The following C4orf51 variants were observed in gnomAD, a reference collection of about 807,000 sequenced individuals.
The protein encoded by C4orf51 is uncharacterized protein C4orf51.
In C4orf51, 25 loss-of-function variants were observed where a neutral mutation model predicts 25.2. The ratio of observed to expected loss-of-function variants is 0.99; its 90% CI spans 0.72 to 1.39. The LOEUF is 1.39. Ranked by LOEUF, C4orf51 falls within the 40% of genes most tolerant of loss-of-function variation. The pLI is 0.00. For missense variants in C4orf51, 252 were observed against 239.6 expected, an observed-to-expected ratio of 1.05 and a Z score of -0.34; for synonymous variants, 100 against 84.5, an observed-to-expected ratio of 1.18 and a Z score of -1.01.
At chr4:145,767,433 G>A (rs910287385) in intron 1 of C4orf51, among the ~76,000 whole-genome samples, 1 of 152,150 alleles carries the variant, frequency 6.6e-6, no homozygotes, top group African/African-American at 2.4e-5. Flanking sequence ...AATCCCTGGT[G>A]GGGTGGGGAG....
chr4:145,784,336 T>G, the C4orf51 span, among the ~76,000 whole-genome samples: 4 of 152,228 alleles, frequency 2.6e-5, no homozygotes, highest in Non-Finnish European at 4.4e-5. Flanking sequence ...AGTCCCTGTT[T>G]GTTTCAGCCA....
At chr4:145,723,544 A>G (rs1452817593) in intron 2 of C4orf51, among the ~76,000 whole-genome samples, 2 of 152,120 alleles carry the variant, frequency 1.3e-5, no homozygotes, top group African/African-American at 4.8e-5. Flanking sequence ...GCAAGCCTAC[A>G]CTTGCTTTCT....
chr4:145,779,648 T>C, the C4orf51 span: 1 of 1,226,664 alleles, frequency 8.2e-7, no homozygotes, highest in South Asian at 1.6e-5. Context: ...CCGTAACTGG[T>C]TTTCCTGCTC....
chr4:145,700,524 C>T (rs911903186), intron 2 of C4orf51, among the ~76,000 whole-genome samples: 1 of 152,286 alleles, frequency 6.6e-6, no homozygotes, highest in South Asian at 2.1e-4. Flanking sequence ...ACAAACTCAA[C>T]AGTAGTTCCA....
chr4:145,786,797 G>A, the C4orf51 span, among the ~76,000 whole-genome samples: 1 of 152,164 alleles, frequency 6.6e-6, no homozygotes, highest in Non-Finnish European at 1.5e-5. Context: ...AGTGCTTGCA[G>A]CTCGTCTGTA....
chr4:145,775,049 G>A (rs1040245606), downstream of C4orf51, among the ~76,000 whole-genome samples: 3 of 152,096 alleles, frequency 2.0e-5, no homozygotes, highest in African/African-American at 7.2e-5. Flanking sequence ...TGATAAACTC[G>A]GAGAGCACCT....
At chr4:145,754,648 C>G (rs1265455854), downstream of C4orf51, among the ~76,000 whole-genome samples, 3 of 152,188 alleles carry the variant, frequency 2.0e-5, no homozygotes, top group Non-Finnish European at 4.4e-5. Flanking sequence ...ACAAGGAAAA[C>G]TTTAAGCCGG....
Position 145,732,659 on chromosome 4 carries a change from C to A in C4orf51, c.*99C>A. 1.4e-6 allele frequency: 1 copy of A among 723,940 alleles called. No homozygotes were observed. Among genetic ancestry groups the A allele is most frequent in the East Asian group, 2.8e-5 (1 of 35,462 alleles). 44.8% of individuals were successfully genotyped at this position (723,940 alleles called of 1,614,324 possible). A position where few individuals can be genotyped will look rare whatever the true frequency, so the allele number is the denominator to read the frequency against. On this transcript the variant is annotated 3_prime_UTR_variant, in exon 6 of 6. Transcript: ENST00000438731. ...CAACACCCTCCCCCCACCCGCCCCGCCCAGGAACGTCTGGACCCTGGCAGG... is the reference window on the plus strand; with the variant it reads ...CAACACCCTCCCCCCACCCGCCCCGACCAGGAACGTCTGGACCCTGGCAGG...
At chr4:145,683,920 A>G (rs1728984459) in intron 1 of C4orf51, among the ~76,000 whole-genome samples, 1 of 152,236 alleles carries the variant, frequency 6.6e-6, no homozygotes, top group Non-Finnish European at 1.5e-5. Context: ...TAAAATTAAA[A>G]ATATCTGTTC....
downstream of C4orf51, among the ~76,000 whole-genome samples, chr4:145,755,208 C>T (rs576212872): frequency 1.6e-4 from 25 of 152,214 alleles, no homozygotes; most frequent in African/African-American, 5.1e-4. Context: ...TTTAGTTCAG[C>T]GCCTCTTTTC....
chr4:145,719,856 G>A (rs1731633748), intron 2 of C4orf51, among the ~76,000 whole-genome samples: 1 of 152,194 alleles, frequency 6.6e-6, no homozygotes, highest in Admixed American at 6.5e-5. Context: ...ATAAGGGATG[G>A]CAAATGTGAT....
intron 3 of C4orf51, among the ~76,000 whole-genome samples, chr4:145,727,713 T>TAA (rs112366551): frequency 4.3e-5 from 6 of 138,330 alleles, no homozygotes; most frequent in African/African-American, 8.0e-5. Context: ...CCATCTCTAC[T>TAA]AAAAAAAAAA....
At chr4:145,748,077 T>C (rs571689042) in intron 1 of C4orf51, among the ~76,000 whole-genome samples, 1 of 152,182 alleles carries the variant, frequency 6.6e-6, no homozygotes, top group South Asian at 2.1e-4. Context: ...ATTCAAGTTA[T>C]TGGTTCAAGT....
intron 1 of C4orf51, among the ~76,000 whole-genome samples, chr4:145,692,430 G>A (rs1027047370): frequency 1.3e-5 from 2 of 150,048 alleles, no homozygotes; most frequent in Non-Finnish European, 2.9e-5. Flanking sequence ...TAGAAGTCAG[G>A]AAATTGGCCC....
At chr4:145,733,243 C>G (rs1234926266), downstream of C4orf51, among the ~76,000 whole-genome samples, 1 of 152,156 alleles carries the variant, frequency 6.6e-6, no homozygotes, top group African/African-American at 2.4e-5. Flanking sequence ...CCTCCACGGC[C>G]CACCTCTTCT....
chr4:145,688,590 G>T (rs181585816), intron 1 of C4orf51, among the ~76,000 whole-genome samples: 1 of 152,290 alleles, frequency 6.6e-6, no homozygotes, highest in South Asian at 2.1e-4. Context: ...GATGTGCCTT[G>T]CTTCCCCTTT....
At chr4:145,770,299 AAAATAAAT>A (rs150231954) in intron 1 of C4orf51, among the ~76,000 whole-genome samples, 4,758 of 87,220 alleles carry the variant, frequency 0.055, 201 homozygotes, top group African/African-American at 0.13. Flanking sequence ...ACCCTGTCTT[AAAATAAAT>A]AAATAAATAA....
intron 1 of C4orf51, among the ~76,000 whole-genome samples, chr4:145,747,492 T>C (rs913484403): frequency 3.3e-5 from 5 of 152,116 alleles, no homozygotes; most frequent in African/African-American, 1.2e-4. Flanking sequence ...GTTGATATGA[T>C]ATATTACATT....
At chr4:145,693,262 T>C (rs12502912) in intron 1 of C4orf51, among the ~76,000 whole-genome samples, 65,647 of 149,638 alleles carry the variant, frequency 0.44, 14,738 homozygotes, top group Admixed American at 0.53. Flanking sequence ...TTCAAGCATC[T>C]GTTTAACAAA....
Sources: allele counts gnomAD v4.1 joint callset (sites outside exome capture counted in the v4.1 genomes callset), GRCh38; gene constraint gnomAD v4.1.1; transcripts MANE v1.5; gene names NCBI Gene and HGNC (gene_info 2026-07-23, HGNC 2026-07-21).